NGEF: variants seen among roughly 807,000 people sequenced by gnomAD.
NGEF encodes the protein ephexin-1.
In NGEF, 31 loss-of-function variants were observed where a neutral mutation model predicts 80.9. The observed-to-expected ratio is 0.38, with a 90% CI of 0.29 to 0.52. NGEF has a LOEUF of 0.52. Among genes scored for constraint, NGEF ranks in the 20% least tolerant of loss-of-function variants. NGEF has a pLI of 0.84. For missense variants in NGEF, 709 were observed against 926.2 expected (o/e 0.77, Z 3.04); for synonymous variants, 371 against 370.2 (o/e 1.00, Z -0.03).
intron 3 of NGEF, among the ~76,000 whole-genome samples, chr2:232,930,311 G>GCT (rs942044866): frequency 3.7e-4 from 48 of 130,952 alleles, no homozygotes; most frequent in African/African-American, 7.1e-4. Flanking sequence ...AGTACTCTGG[G>GCT]CTCTCTCTCT....
At chr2:232,953,369 GAGAGAGA>G (rs1164751591) in intron 3 of NGEF, among the ~76,000 whole-genome samples, 5 of 137,958 alleles carry the variant, frequency 3.6e-5, no homozygotes, top group Admixed American at 7.7e-5. Flanking sequence ...AAGAAAGAGA[GAGAGAGA>G]AAAGTGACCA....
At chr2:232,961,099 A>T (rs1693942704) in intron 3 of NGEF, among the ~76,000 whole-genome samples, 1 of 152,156 alleles carries the variant, frequency 6.6e-6, no homozygotes, top group Non-Finnish European at 1.5e-5. Context: ...CTCTGTGAGG[A>T]TGGGCACTGA....
At chr2:232,953,301 CAAAAAAAAAA>C (rs57652494) in intron 3 of NGEF, among the ~76,000 whole-genome samples, 2 of 91,248 alleles carry the variant, frequency 2.2e-5, no homozygotes, top group Non-Finnish European at 4.1e-5. Flanking sequence ...GACTCTGTGT[CAAAAAAAAAA>C]AAAAAAAAAG....
At chr2:232,880,465 C>T (rs970188388) in intron 14 of NGEF, among the ~76,000 whole-genome samples, 9 of 152,238 alleles carry the variant, frequency 5.9e-5, no homozygotes, top group African/African-American at 2.2e-4. Context: ...ACAAGAGGGA[C>T]TCCCTGGAGA....
intron 3 of NGEF, among the ~76,000 whole-genome samples, chr2:232,969,473 C>CCTTG (rs1553555875): frequency 1.7e-5 from 1 of 58,752 alleles, no homozygotes; most frequent in Non-Finnish European, 2.7e-5. Context: ...TTCCTTCCTT[C>CCTTG]TTCCTTCCTT....
chr2:232,909,460 GA>G, intron 5 of NGEF, among the ~76,000 whole-genome samples: 1 of 152,088 alleles, frequency 6.6e-6, no homozygotes, highest in Admixed American at 6.5e-5. Flanking sequence ...AATTCACGGT[GA>G]GACAGATCTG....
chr2:232,984,373 T>C (rs1290653282), intron 1 of NGEF, among the ~76,000 whole-genome samples: 2 of 152,170 alleles, frequency 1.3e-5, no homozygotes, highest in Non-Finnish European at 2.9e-5. Flanking sequence ...ATTACTGGTG[T>C]AAACCATTAT....
At position 232,884,184 on chromosome 2, in the gene NGEF, A is replaced by G. The variant is rs572523078; in HGVS notation, c.1438-40T>C. ...GGGCATCAGGCAGGCTGTGCCCACAATGTCCCTCCCCAGGACATGCCCCCA... is the reference window on the plus strand; with the variant it reads ...GGGCATCAGGCAGGCTGTGCCCACAGTGTCCCTCCCCAGGACATGCCCCCA... On this transcript the variant is annotated intron_variant, in intron 10 of 14. Coordinates refer to ENST00000264051, the MANE Select transcript of NGEF (RefSeq NM_019850.3). 4 of 1,533,008 alleles carry G rather than the reference A, an allele frequency of 2.6e-6. No homozygotes were observed. The African/African-American group carries it at 5.4e-5, about 21-fold the overall frequency. The allele number at this position is 1,533,008 out of a possible 1,614,324, so 95.0% of individuals were successfully genotyped here.
intron 1 of NGEF, among the ~76,000 whole-genome samples, chr2:233,000,520 G>A (rs1455967644): frequency 3.3e-5 from 5 of 152,006 alleles, no homozygotes; most frequent in African/African-American, 1.2e-4. Flanking sequence ...CACTTTGGGA[G>A]GCCGAGGCGG....
chr2:232,985,338 T>A (rs1694509286), intron 1 of NGEF, among the ~76,000 whole-genome samples: 1 of 152,206 alleles, frequency 6.6e-6, no homozygotes, highest in Non-Finnish European at 1.5e-5. Flanking sequence ...GTTTATGGGC[T>A]GGGTGCCATG....
At chr2:232,968,082 A>C (rs1694101418) in intron 3 of NGEF, among the ~76,000 whole-genome samples, 1 of 121,888 alleles carries the variant, frequency 8.2e-6, no homozygotes, top group Admixed American at 7.8e-5. Flanking sequence ...TGAGGGCAGA[A>C]ACAGACCTGG....
Position 232,893,089 on chromosome 2 carries a change from G to A in NGEF, c.990-39C>T, listed in dbSNP as rs779459823. 4.4e-6 allele frequency: 7 copies of A among 1,591,144 alleles called. No individual in the cohort carries two copies. In the South Asian group the frequency reaches 5.6e-5, roughly 13 times the overall value. ...CGGCTTGAGGCGGAGGGTGCCCGGG[G>A]GGTAGGGTGGGGAATTGTCTCACCA... is the stretch of plus-strand genomic sequence containing the variant. On this transcript the variant is annotated intron_variant, in intron 6 of 14. Transcript: ENST00000264051.
chr2:232,888,525 G>A lies in NGEF; in HGVS notation c.1273-418C>T, dbSNP rs186634858. 2.7e-3 allele frequency among the ~76,000 whole-genome samples: 360 copies of A among 133,892 alleles called. 1 individual carries two copies. The highest frequency in any genetic ancestry group is 9.4e-3 in the African/African-American group (329 of 34,898). 87.8% of individuals were successfully genotyped at this position (133,892 alleles called of 152,430 possible). A position where few individuals can be genotyped will look rare whatever the true frequency, so the allele number is the denominator to read the frequency against. On this transcript the variant is annotated intron_variant, in intron 8 of 14. Coordinates refer to ENST00000264051, the MANE Select transcript of NGEF (RefSeq NM_019850.3). ...CAAACATGCATACAAGCATGTGTGC[G>A]CACACATACATGCATGCACATACAT...
chr2:232,929,247 G>A (rs1350490038), intron 3 of NGEF, among the ~76,000 whole-genome samples: 1 of 152,058 alleles, frequency 6.6e-6, no homozygotes, highest in Non-Finnish European at 1.5e-5. Context: ...TTCGTTGGGG[G>A]GGATGCAAAC....
At chr2:232,933,177 C>T (rs1277426060) in intron 3 of NGEF, among the ~76,000 whole-genome samples, 1 of 152,040 alleles carries the variant, frequency 6.6e-6, no homozygotes, top group Non-Finnish European at 1.5e-5. Context: ...CATGAGGATG[C>T]TGCCCTCTAG....
rs182591075 is a variant in NGEF, at chr2:232,935,220, C to G, written c.384-8034G>C. Among the ~76,000 whole-genome samples the G allele has an allele frequency of 1.3e-3, 194 of 152,170 alleles. 1 individual carries two copies. The highest frequency in any genetic ancestry group is 4.2e-3 in the African/African-American group (176 of 41,526). ...TATGTTTATAAAATTTTTCTTGATC[C>G]TGAGGGAGAATCTCTGGAATTGGAA... On this transcript the variant is annotated intron_variant, in intron 3 of 14. Transcript: ENST00000264051.
intron 3 of NGEF, 50 bp downstream of exon 3, chr2:232,970,164 C>T (rs1480415686): frequency 9.3e-7 from 1 of 1,077,372 alleles, no homozygotes. Flanking sequence ...GCAATGACCT[C>T]TGATGCATCT....
rs1196109155 is a variant in NGEF, at chr2:232,972,930, T to C, written c.268+1693A>G. On this transcript the variant is annotated intron_variant, in intron 2 of 14. Transcript: ENST00000264051. ...CACCACCATGCCCGGCTAATTTTTG[T>C]ATTTTTAGTAGAGATGGAGTTTCAC... Among the ~76,000 whole-genome samples, 7 of 151,996 alleles carry C rather than the reference T, an allele frequency of 4.6e-5. No individual in the cohort carries two copies. In the East Asian group the frequency reaches 1.4e-3, roughly 29 times the overall value.
chr2:233,004,969 AC>A (rs113483319), intron 1 of NGEF, among the ~76,000 whole-genome samples: 13,751 of 151,706 alleles, frequency 0.091, 671 homozygotes, highest in Non-Finnish European at 0.11. Context: ...TAAACCAAAA[AC>A]AAAAAAAAGA....
Sources: gnomAD v4.1 joint callset for allele counts (sites outside exome capture counted in the v4.1 genomes callset) on GRCh38, gnomAD v4.1.1 for gene constraint, MANE v1.5 for transcripts, NCBI Gene and HGNC (gene_info 2026-07-23, HGNC 2026-07-21) for gene names.